GRK6: variants seen among roughly 807,000 people sequenced by gnomAD.
GRK6 encodes the protein G protein-coupled receptor kinase 6.
A neutral mutation model predicts 80.8 loss-of-function variants in GRK6; 37 were observed. The ratio of observed to expected loss-of-function variants is 0.46; its 90% confidence interval spans 0.35 to 0.60. GRK6 has a LOEUF of 0.60. GRK6 is among the 20% of genes least tolerant of loss of function. The probability of loss-of-function intolerance (pLI) is 0.00; values close to 1 mark genes in which losing one functional copy is unlikely to be tolerated. For synonymous variants in GRK6, 295 were observed against 320.9 expected (o/e 0.92, Z 0.86); for missense variants, 560 against 784.6 (o/e 0.71, Z 3.42).
In GRK6 at chr5:177,429,036, G is replaced by A. The variant is rs774987046; in HGVS notation, c.53-1836G>A. On this transcript the variant is annotated intron_variant, in intron 1 of 15. Coordinates refer to ENST00000355472, the MANE Select transcript of GRK6 (RefSeq NM_001004106.3). The surrounding 1 kb of genome is among the most constrained non-coding windows in gnomAD (Gnocchi z 4.3). ...AAGGAGCTTGGGTTGTGGCCATAGGGAGCTGGGTACGAATCCTGTACCCAG... is the reference window on the plus strand; with the variant it reads ...AAGGAGCTTGGGTTGTGGCCATAGGAAGCTGGGTACGAATCCTGTACCCAG... Among the ~76,000 whole-genome samples, 8 of 152,166 alleles carry A rather than the reference G, an allele frequency of 5.3e-5. No homozygotes were observed. The highest frequency in any genetic ancestry group is 1.0e-4 in the Non-Finnish European group (7 of 68,024).
Position 177,436,188 on chromosome 5 carries a change from G to C in GRK6, c.1173G>C (p.Lys391Asn). The change falls in exon 12 of 16, where the codon AAG becomes AAC. Residue 391 changes from lysine to asparagine, a missense_variant. By Grantham distance (94) the Lys-to-Asn change is moderately conservative. This residue lies in a region of GRK6 where 294 missense variants were observed against 397.4 expected (regional missense o/e 0.74). Coordinates refer to ENST00000355472, the MANE Select transcript of GRK6 (RefSeq NM_001004106.3). ...GQSPFQQRKK[K>N]IKREEVERLV... ...CGCCCTTCCAGCAGAGGAAGAAGAA[G>C]ATCAAGCGGGAGGAGGTGGAGCGGC... is the stretch of plus-strand genomic sequence containing the variant. 8 of 1,614,230 alleles carry C rather than the reference G, an allele frequency of 5.0e-6. No individual in the cohort carries two copies. Among genetic ancestry groups the C allele is most frequent in the Non-Finnish European group, 6.8e-6 (8 of 1,180,052 alleles).
rs1763988364 is a variant in GRK6, at chr5:177,433,129, C to T, written c.441-18C>T. 13 of 1,607,110 alleles carry T rather than the reference C, an allele frequency of 8.1e-6. No individual in the cohort carries two copies. Among genetic ancestry groups the T allele is most frequent in the Non-Finnish European group, 1.1e-5 (13 of 1,175,064 alleles). ...GTCAGGGGCTGGCGGGTGAGCTGGGCCTGCCTTTCCTCAACAGGCTGACCC... is the reference window on the plus strand; with the variant it reads ...GTCAGGGGCTGGCGGGTGAGCTGGGTCTGCCTTTCCTCAACAGGCTGACCC... On this transcript the variant is annotated intron_variant, in intron 5 of 15. Transcript: ENST00000355472.
chr5:177,436,590 C>T (rs769625382), intron 13 of GRK6, 60 bp downstream of exon 13: 6 of 1,462,224 alleles, frequency 4.1e-6, no homozygotes, highest in African/African-American at 1.4e-5. Flanking sequence ...CTCAGGGGCT[C>T]TTGTAGTATC....
Position 177,436,141 on chromosome 5 carries a change from T to C in GRK6, c.1126T>C (p.Tyr376His). The C allele has an allele frequency of 6.2e-7, 1 of 1,614,104 alleles. No homozygotes were observed. The highest frequency in any genetic ancestry group is 8.5e-7 in the Non-Finnish European group (1 of 1,180,016). The change falls in exon 12 of 16, where the codon TAC (tyrosine) becomes CAC (histidine). Residue 376 changes from tyrosine (Y) to histidine (H), a missense_variant. Transcript: ENST00000355472. Reference sequence around the variant, plus strand: ...CTGGTGGGCGCTCGGCTGCCTCCTGTACGAGATGATCGCAGGCCAGTCGCC... The same window carrying C: ...CTGGTGGGCGCTCGGCTGCCTCCTGCACGAGATGATCGCAGGCCAGTCGCC... ...PDWWALGCLLYEMIAGQSPFQ... is the reference protein window; with the variant it reads ...PDWWALGCLLHEMIAGQSPFQ...
rs944245948 is a variant in GRK6, at chr5:177,433,404, T to C, written c.591T>C (p.Phe197=). ...RQYRVLGKGG[F]GEVCACQVRA... is the part of the protein sequence containing the mutation. The stretch of plus-strand genomic sequence containing the variant: ...ACCGAGTCCTGGGCAAAGGTGGCTT[T>C]GGGGAGGTGAGTGGCCAGGCCAGAG... The change falls in exon 7 of 16, where the codon TTT becomes TTC. Residue 197 remains phenylalanine, a synonymous_variant. Transcript: ENST00000355472. The C allele has an allele frequency of 6.8e-6, 11 of 1,613,496 alleles. No individual in the cohort carries two copies. The highest frequency in any genetic ancestry group is 9.3e-6 in the Non-Finnish European group (11 of 1,179,744).
At chr5:177,439,090 C>T (rs1764324477) in intron 13 of GRK6, among the ~76,000 whole-genome samples, 1 of 152,216 alleles carries the variant, frequency 6.6e-6, no homozygotes. Flanking sequence ...TACACTGCCT[C>T]TGGATCTTCC....
At chr5:177,432,636 C>T in intron 4 of GRK6, 70 bp from the exon 5 acceptor site, 1 of 1,110,744 alleles carries the variant, frequency 9.0e-7, no homozygotes, top group Non-Finnish European at 1.3e-6. Context: ...GTTGCCTGAC[C>T]CCTCTCCCCT....
In GRK6 at chr5:177,431,985, C is replaced by T. The variant is rs1763916833; in HGVS notation, c.149-10C>T. On this transcript the variant is annotated splice_polypyrimidine_tract_variant and intron_variant, in intron 2 of 15. Coordinates refer to ENST00000355472, the MANE Select transcript of GRK6 (RefSeq NM_001004106.3). ...GCTGTGGACCCAGCAGCTTCCATCACTGCCAACAGAGCGTGACTATCACAG... is the reference window on the plus strand; with the variant it reads ...GCTGTGGACCCAGCAGCTTCCATCATTGCCAACAGAGCGTGACTATCACAG... 2.5e-6 allele frequency: 4 copies of T among 1,612,224 alleles called. No individual in the cohort carries two copies. In the East Asian group the frequency reaches 6.7e-5, roughly 27 times the overall value.
In GRK6 at chr5:177,433,947, G is replaced by T. The variant is rs35270792; in HGVS notation, c.772G>T (p.Ala258Ser). The change falls in exon 9 of 16, where the codon GCG becomes TCG. Residue 258 changes from alanine to serine, a missense_variant. By Grantham distance (99) the Ala-to-Ser change is moderately conservative (BLOSUM62 1). This residue lies in a region of GRK6 where 77 missense variants were observed against 156.9 expected (regional missense o/e 0.49). Coordinates refer to ENST00000355472, the MANE Select transcript of GRK6 (RefSeq NM_001004106.3). ...SLAYAYETKD[A>S]LCLVLTLMNG... ...GGCCTACGCCTATGAGACCAAGGAC[G>T]CGCTGTGCCTGGTGCTGACACTGAT... 2 of 1,603,186 alleles carry T rather than the reference G, an allele frequency of 1.2e-6. No homozygotes were observed. Among genetic ancestry groups the T allele is most frequent in the Admixed American group, 3.4e-5 (2 of 59,096 alleles).
intron 3 of GRK6, 24 bp from the exon 4 acceptor site, chr5:177,432,209 G>T: frequency 6.2e-7 from 1 of 1,613,764 alleles, no homozygotes; most frequent in East Asian, 2.2e-5. Flanking sequence ...CAGACCTCCA[G>T]CTTCTTTGCT....
rs572521992 is a variant in GRK6, at chr5:177,430,691, G to A, written c.53-181G>A. 27 of 607,452 alleles carry A rather than the reference G, an allele frequency of 4.4e-5. No individual in the cohort carries two copies. In the African/African-American group the frequency reaches 4.5e-4, roughly 10 times the overall value. The allele number at this position is 607,452 out of a possible 1,614,324, so 37.6% of individuals were successfully genotyped here. On this transcript the variant is annotated intron_variant, in intron 1 of 15. Coordinates refer to ENST00000355472, the MANE Select transcript of GRK6 (RefSeq NM_001004106.3). ...CCCAGTGCAGGAGCCTGAAGCAGGA[G>A]AAGCACGTGTGTCCTGGAACGCAGC...
chr5:177,435,275 A>G (rs962264842), intron 11 of GRK6, among the ~76,000 whole-genome samples, 154 bp downstream of exon 11: 10 of 152,278 alleles, frequency 6.6e-5, no homozygotes, highest in Non-Finnish European at 1.0e-4. Context: ...TAGGAGACCA[A>G]GACTCAGCCG....
In GRK6 at chr5:177,440,907, G is replaced by C. The variant is rs201667014; in HGVS notation, c.1543-12G>C. Reference sequence around the variant, plus strand: ...CTGGGGACAGCTGTCACAGCCGCCTGCTCCTCAGCAGATGGTGGAGACCGA... The same window carrying C: ...CTGGGGACAGCTGTCACAGCCGCCTCCTCCTCAGCAGATGGTGGAGACCGA... On this transcript the variant is annotated splice_polypyrimidine_tract_variant and intron_variant, in intron 14 of 15. Coordinates refer to ENST00000355472, the MANE Select transcript of GRK6 (RefSeq NM_001004106.3). 6.6e-5 allele frequency: 107 copies of C among 1,613,940 alleles called. No individual in the cohort carries two copies. The East Asian group carries it at 2.4e-3, about 36-fold the overall frequency.
chr5:177,436,818 A>G (rs1001279841), intron 13 of GRK6: 3 of 436,302 alleles, frequency 6.9e-6, no homozygotes, highest in Non-Finnish European at 1.2e-5. Flanking sequence ...AGCTCTCCCC[A>G]TGGTGCGGCA....
chr5:177,441,838 G>C lies in GRK6; in HGVS notation c.*48G>C. 1 of 1,568,458 alleles carries C rather than the reference G, an allele frequency of 6.4e-7. No individual in the cohort carries two copies. The highest frequency in any genetic ancestry group is 8.8e-7 in the Non-Finnish European group (1 of 1,140,432). On this transcript the variant is annotated 3_prime_UTR_variant, in exon 16 of 16. Transcript: ENST00000355472. ...AGCAGTTGGCGGTAGCAGCTACTCC[G>C]AGCGCCGTTTACAGTTTTGCACAGT...
Position 177,436,102 on chromosome 5 carries a change from A to C in GRK6, c.1087A>C (p.Thr363Pro). 3 of 1,614,042 alleles carry C rather than the reference A, an allele frequency of 1.9e-6. No homozygotes were observed. The highest frequency in any genetic ancestry group is 2.5e-6 in the Non-Finnish European group (3 of 1,179,982). ...APEVVKNERY[T>P]FSPDWWALGC... Reference sequence around the variant, plus strand: ...GGAGGTGGTGAAGAATGAACGGTACACGTTCAGCCCTGACTGGTGGGCGCT... The same window carrying C: ...GGAGGTGGTGAAGAATGAACGGTACCCGTTCAGCCCTGACTGGTGGGCGCT... Residue 363 changes from threonine to proline, a missense_variant, in exon 12 of 16, where the codon ACG becomes CCG. This residue lies in a region of GRK6 where 294 missense variants were observed against 397.4 expected (regional missense o/e 0.74). Coordinates refer to ENST00000355472, the MANE Select transcript of GRK6 (RefSeq NM_001004106.3).
chr5:177,428,945 T>C lies in GRK6; in HGVS notation c.53-1927T>C, dbSNP rs1023638747. ...AAGTGATCTGAGGCCCCAGGTGGGG[T>C]TTGGGAACCCTTGGTGTGTGTATAC... On this transcript the variant is annotated intron_variant, in intron 1 of 15. Coordinates refer to ENST00000355472, the MANE Select transcript of GRK6 (RefSeq NM_001004106.3). This position sits in a 1 kb window ranked among gnomAD's most constrained non-coding sequence, Gnocchi z 4.1. Among the ~76,000 whole-genome samples, 1 of 151,522 alleles carries C rather than the reference T, an allele frequency of 6.6e-6. No homozygotes were observed. Among genetic ancestry groups the C allele is most frequent in the Non-Finnish European group, 1.5e-5 (1 of 67,904 alleles).
intron 11 of GRK6, among the ~76,000 whole-genome samples, 167 bp from the exon 12 acceptor site, chr5:177,435,906 G>A (rs1764119314): frequency 6.6e-6 from 1 of 152,176 alleles, no homozygotes; most frequent in Non-Finnish European, 1.5e-5. Flanking sequence ...CTCCTGCAGG[G>A]CCGTATTCAC....
intron 13 of GRK6, chr5:177,439,861 C>G (rs981864520): frequency 9.2e-5 from 14 of 152,322 alleles, no homozygotes; most frequent in African/African-American, 3.1e-4. Flanking sequence ...TGCTTCATAC[C>G]TTTTTAAGGC....
Sources: gnomAD v4.1 joint callset for allele counts (sites outside exome capture counted in the v4.1 genomes callset) on GRCh38, gnomAD v4.1.1 for gene constraint, gnomAD v4.1.1 regional missense constraint, Gnocchi (gnomAD v3.1) non-coding constraint, MANE v1.5 for transcripts, NCBI Gene and HGNC (gene_info 2026-07-23, HGNC 2026-07-21) for gene names.